Variants in FBXW7 observed in about 807,000 individuals in gnomAD.
FBXW7 encodes the protein F-box and WD repeat domain containing 7.
FBXW7 carries 11 observed loss-of-function variants against 86.3 expected under a neutral mutation model. That is an observed-to-expected ratio of 0.13 (90% CI 0.08 to 0.21). The LOEUF (loss-of-function observed/expected upper bound fraction) is 0.21, where lower values mean the gene tolerates loss of function less well. Ranked by LOEUF, FBXW7 falls within the 10% of genes least tolerant of loss-of-function variation. The probability of loss-of-function intolerance (pLI) is 1.00; values close to 1 mark genes in which losing one functional copy is unlikely to be tolerated. For synonymous variants in FBXW7, 313 were observed against 297.9 expected, an observed-to-expected ratio of 1.05 and a Z score of -0.52; for missense variants, 488 against 847.4, an observed-to-expected ratio of 0.58 and a Z score of 5.27.
intron 2 of FBXW7, among the ~76,000 whole-genome samples, chr4:152,419,281 T>TA (rs1425302356): frequency 1.3e-5 from 2 of 152,134 alleles, no homozygotes; most frequent in Non-Finnish European, 2.9e-5. Flanking sequence ...CAAAATGTAT[T>TA]ACATTTCTTA....
chr4:152,332,519 T>C (rs1241472110), intron 8 of FBXW7, 77 bp downstream of exon 8: 3 of 1,347,314 alleles, frequency 2.2e-6, no homozygotes, highest in Non-Finnish European at 3.0e-6. Flanking sequence ...ATATTATTTT[T>C]ATTTTTTCTA....
At chr4:152,377,184 G>A (rs1411652172) in intron 4 of FBXW7, among the ~76,000 whole-genome samples, 1 of 152,170 alleles carries the variant, frequency 6.6e-6, no homozygotes. Flanking sequence ...TGCAGCATTA[G>A]AGAGTCCTGA....
At chr4:152,429,319 A>G (rs535827733) in intron 2 of FBXW7, among the ~76,000 whole-genome samples, 1 of 148,006 alleles carries the variant, frequency 6.8e-6, no homozygotes, top group African/African-American at 2.5e-5. Flanking sequence ...TCTAGACAAA[A>G]CACTTTAATC....
In FBXW7 at chr4:152,329,804, G is replaced by C. The variant is rs781030534; in HGVS notation, c.1123-19C>G. ...TCAGCACCTATAAGAAAGATGTGCA[G>C]ATTAGAAATATGTTAATTAAATTAT... On this transcript the variant is annotated intron_variant, in intron 9 of 13. Coordinates refer to ENST00000281708, the MANE Select transcript of FBXW7 (RefSeq NM_001349798.2). The C allele has an allele frequency of 1.5e-6, 2 of 1,369,988 alleles. No homozygotes were observed. Among genetic ancestry groups the C allele is most frequent in the Non-Finnish European group, 2.0e-6 (2 of 1,013,690 alleles). The allele number at this position is 1,369,988 out of a possible 1,614,324, so 84.9% of individuals were successfully genotyped here.
intron 2 of FBXW7, among the ~76,000 whole-genome samples, chr4:152,419,683 C>T (rs1380388703): frequency 6.6e-6 from 1 of 152,064 alleles, no homozygotes; most frequent in East Asian, 1.9e-4. Flanking sequence ...CAGAAAACTG[C>T]AGGTTCAATT....
At chr4:152,509,109 A>G (rs1747722792) in intron 2 of FBXW7, among the ~76,000 whole-genome samples, 1 of 152,256 alleles carries the variant, frequency 6.6e-6, no homozygotes, top group South Asian at 2.1e-4. Flanking sequence ...GTTTCAGGTT[A>G]AAGAAAACTA....
chr4:152,357,168 T>C (rs896826498), intron 4 of FBXW7, among the ~76,000 whole-genome samples: 2 of 152,132 alleles, frequency 1.3e-5, no homozygotes, highest in African/African-American at 2.4e-5. Flanking sequence ...AACACTGTAA[T>C]AGATAATCTT....
chr4:152,321,704 T>C lies in FBXW7; in HGVS notation c.*1177A>G, dbSNP rs1471814780. 1 of 232,982 alleles carries C rather than the reference T, an allele frequency of 4.3e-6. No homozygotes were observed. Among genetic ancestry groups the C allele is most frequent in the Non-Finnish European group, 8.5e-6 (1 of 117,656 alleles). 14.4% of individuals were successfully genotyped at this position (232,982 alleles called of 1,614,324 possible). A position where few individuals can be genotyped will look rare whatever the true frequency, so the allele number is the denominator to read the frequency against. ...GACCAGCAACTTTATTTTAATTTTG[T>C]GTTTTATATATTTTTAAAATATTTT... is the stretch of plus-strand genomic sequence containing the variant. On this transcript the variant is annotated 3_prime_UTR_variant, in exon 14 of 14. Transcript: ENST00000281708.
chr4:152,491,782 T>A (rs1482803572), intron 2 of FBXW7, among the ~76,000 whole-genome samples: 2 of 152,090 alleles, frequency 1.3e-5, no homozygotes, highest in Non-Finnish European at 2.9e-5. Context: ...CTTCCCCACA[T>A]CCATTACTCA....
At chr4:152,391,699 C>T (rs1301967800) in intron 4 of FBXW7, among the ~76,000 whole-genome samples, 1 of 152,052 alleles carries the variant, frequency 6.6e-6, no homozygotes, top group African/African-American at 2.4e-5. Context: ...AATCACCACG[C>T]CGAAACCCTG....
intron 2 of FBXW7, among the ~76,000 whole-genome samples, chr4:152,522,166 A>C (rs1749082864): frequency 6.6e-6 from 1 of 152,152 alleles, no homozygotes; most frequent in Admixed American, 6.5e-5. Context: ...CTTGTTTTTT[A>C]AGTGTACGTT....
chr4:152,413,775 C>G (rs1219664031), intron 2 of FBXW7, among the ~76,000 whole-genome samples: 1 of 152,104 alleles, frequency 6.6e-6, no homozygotes, highest in African/African-American at 2.4e-5. Flanking sequence ...TTCAAGTTAA[C>G]CAATGACATT....
rs539424646 is a variant in FBXW7 at position 152,438,770 on chromosome 4, C to A, written c.-119-26241G>T. Among the ~76,000 whole-genome samples, 6 of 152,288 alleles carry A rather than the reference C, an allele frequency of 3.9e-5. No individual in the cohort carries two copies. The East Asian group carries it at 7.7e-4, about 20-fold the overall frequency. ...AAACCTACTCCATCACCCAGTACTACCCTACCCACATGGGAGATGTGCGTG... is the reference window on the plus strand; with the variant it reads ...AAACCTACTCCATCACCCAGTACTAACCTACCCACATGGGAGATGTGCGTG... On this transcript the variant is annotated intron_variant, in intron 2 of 13. Transcript: ENST00000281708.
chr4:152,343,701 G>C (rs1032438385), intron 6 of FBXW7, among the ~76,000 whole-genome samples: 1 of 152,020 alleles, frequency 6.6e-6, no homozygotes, highest in Non-Finnish European at 1.5e-5. Context: ...ATTAGCACCT[G>C]AATGATATAA....
rs568856105 is a variant in FBXW7, at chr4:152,364,943, T to C, written c.502-14819A>G. ...CCATTCATTCAATATAATAGTTACTTAGTTGCCTAACATAAGCTAAACTAA... is the reference window on the plus strand; with the variant it reads ...CCATTCATTCAATATAATAGTTACTCAGTTGCCTAACATAAGCTAAACTAA... On this transcript the variant is annotated intron_variant, in intron 4 of 13. Transcript: ENST00000281708. Among the ~76,000 whole-genome samples, 6 of 152,328 alleles carry C rather than the reference T, an allele frequency of 3.9e-5. No individual in the cohort carries two copies. In the East Asian group the frequency reaches 1.2e-3, roughly 29 times the overall value.
chr4:152,393,320 C>A (rs1422519650), intron 4 of FBXW7, among the ~76,000 whole-genome samples: 2 of 152,098 alleles, frequency 1.3e-5, no homozygotes, highest in African/African-American at 4.8e-5. Context: ...TTTGTAATCT[C>A]TATTCTGTTC....
chr4:152,416,214 C>T (rs1738416648), intron 2 of FBXW7, among the ~76,000 whole-genome samples: 1 of 152,130 alleles, frequency 6.6e-6, no homozygotes, highest in African/African-American at 2.4e-5. Flanking sequence ...TTTTTAAAGA[C>T]AATCATGTAC....
chr4:152,356,811 T>G (rs924222202), intron 4 of FBXW7, among the ~76,000 whole-genome samples: 8 of 152,222 alleles, frequency 5.3e-5, no homozygotes, highest in Non-Finnish European at 1.0e-4. Context: ...GCATTTACAT[T>G]TTCACTAACA....
At chr4:152,398,539 G>GA (rs917041547) in intron 4 of FBXW7, among the ~76,000 whole-genome samples, 155 of 151,210 alleles carry the variant, frequency 1.0e-3, no homozygotes, top group African/African-American at 3.5e-3. Flanking sequence ...AATGCTAAAT[G>GA]AAAAAAAATA....
Sources: gnomAD v4.1 joint callset for allele counts (sites outside exome capture counted in the v4.1 genomes callset) on GRCh38, gnomAD v4.1.1 for gene constraint, MANE v1.5 for transcripts, NCBI Gene and HGNC (gene_info 2026-07-23, HGNC 2026-07-21) for gene names.